Variants in LAMA3 observed in about 807,000 individuals in gnomAD.
The protein encoded by LAMA3 is laminin subunit alpha 3.
LAMA3 carries 281 observed loss-of-function variants against 402.0 expected under a neutral mutation model. That is an observed-to-expected ratio of 0.70 (90% CI 0.63 to 0.77). LAMA3 has a LOEUF of 0.77. Among genes scored for constraint, LAMA3 ranks in the 30% least tolerant of loss-of-function variants. The probability of loss-of-function intolerance (pLI) is 0.00; values close to 1 mark genes in which losing one functional copy is unlikely to be tolerated. For missense variants in LAMA3, 3,840 were observed against 4,215.5 expected (o/e 0.91, Z 2.47); for synonymous variants, 1,431 against 1,558.4 (o/e 0.92, Z 1.93).
At position 23,865,504 on chromosome 18, in the gene LAMA3, C is replaced by T. The variant is rs573754954; in HGVS notation, c.4683+621C>T. On this transcript the variant is annotated intron_variant, in intron 36 of 74. Transcript: ENST00000313654. ...CATAAATGTCTTTGAATCCTTACCA[C>T]GGGGCAAGATCATATTGTTGGACTC... Among the ~76,000 whole-genome samples, 60 of 152,226 alleles carry T rather than the reference C, an allele frequency of 3.9e-4. 1 individual carries two copies. In the South Asian group the frequency reaches 1.0e-2, roughly 25 times the overall value.
At chr18:23,824,669 A>T in intron 21 of LAMA3, 104 bp downstream of exon 21, 1 of 1,317,144 alleles carries the variant, frequency 7.6e-7, no homozygotes. Flanking sequence ...TATCACAATC[A>T]TTGGTGGTTT....
chr18:23,919,834 C>T (rs1313798911), intron 60 of LAMA3, among the ~76,000 whole-genome samples: 2 of 149,058 alleles, frequency 1.3e-5, no homozygotes, highest in Admixed American at 1.4e-4. Context: ...CTCCCACTGG[C>T]ATTTTCAAAG....
chr18:23,765,838 C>T lies in LAMA3; in HGVS notation c.1182+2315C>T, dbSNP rs540117950. 8.3e-4 allele frequency among the ~76,000 whole-genome samples: 125 copies of T among 151,452 alleles called. 1 individual carries two copies. The highest frequency in any genetic ancestry group is 8.0e-3 in the Admixed American group (122 of 15,220). ...TAAATAAAAAATCCATTGGAGGGGC[C>T]GAATAGCAGAAAGGAGGTAATAGAA... On this transcript the variant is annotated intron_variant, in intron 8 of 74. Transcript: ENST00000313654.
chr18:23,827,890 G>A (rs1598872933), intron 23 of LAMA3, among the ~76,000 whole-genome samples: 1 of 152,124 alleles, frequency 6.6e-6, no homozygotes, highest in African/African-American at 2.4e-5. Context: ...TAAGCAATTT[G>A]TAGCAGCTGA....
intron 11 of LAMA3, among the ~76,000 whole-genome samples, chr18:23,781,115 A>G (rs1053207243): frequency 6.6e-6 from 1 of 152,172 alleles, no homozygotes; most frequent in South Asian, 2.1e-4. Flanking sequence ...TTCTATTTTA[A>G]TCAGAATTCT....
chr18:23,876,020 G>A (rs1029134583), intron 38 of LAMA3, among the ~76,000 whole-genome samples: 2 of 152,164 alleles, frequency 1.3e-5, no homozygotes, highest in African/African-American at 2.4e-5. Flanking sequence ...TTTGAAAAAT[G>A]TATGCCTCAG....
intron 17 of LAMA3, among the ~76,000 whole-genome samples, chr18:23,815,947 C>T (rs1237377681): frequency 6.6e-6 from 1 of 152,080 alleles, no homozygotes; most frequent in Non-Finnish European, 1.5e-5. Context: ...AATTGCAGGA[C>T]AGGTGCCCCG....
Position 23,881,948 on chromosome 18 carries a change from A to C in LAMA3, c.5125A>C (p.Asn1709His), listed in dbSNP as rs546940631. Residue 1709 changes from asparagine (N) to histidine (H), a missense_variant, in exon 40 of 75, where the codon AAC (asparagine) becomes CAC (histidine). This residue lies in a region of LAMA3 where 2,109 missense variants were observed against 2,376.0 expected (regional missense o/e 0.89). Coordinates refer to ENST00000313654, the MANE Select transcript of LAMA3 (RefSeq NM_198129.4). ...CACCTGTCCCCAGAACTGTCAGCAC[A>C]ACACCGCGGGAGAGCACTGTGAACG... ...GSGICVNCQH[N>H]TAGEHCERCQ... 1.9e-6 allele frequency: 3 copies of C among 1,613,670 alleles called. No homozygotes were observed. The Admixed American group carries it at 5.0e-5, about 27-fold the overall frequency.
At chr18:23,925,882 G>C (rs550144373) in intron 62 of LAMA3, among the ~76,000 whole-genome samples, 1 of 152,224 alleles carries the variant, frequency 6.6e-6, no homozygotes, top group East Asian at 1.9e-4. Context: ...AATACCAACT[G>C]TAAGTGTAAA....
Position 23,689,780 on chromosome 18 carries a change from G to T in LAMA3, c.97G>T (p.Gly33Trp). ...GGTACTGCGGGTGCTGCCAGCCTGC[G>T]GGGCGACCGCTCGGGATCCCGGGGC... Reference protein sequence around the residue: ...LLVLRVLPACGATARDPGAAA... With the variant: ...LLVLRVLPACWATARDPGAAA... Residue 33 changes from glycine to tryptophan, a missense_variant, in exon 1 of 75, where the codon GGG (glycine) becomes TGG (tryptophan). Coordinates refer to ENST00000313654, the MANE Select transcript of LAMA3 (RefSeq NM_198129.4). The T allele has an allele frequency of 6.5e-7, 1 of 1,530,630 alleles. No individual in the cohort carries two copies. The allele number at this position is 1,530,630 out of a possible 1,614,324, so 94.8% of individuals were successfully genotyped here.
At position 23,884,830 on chromosome 18, in the gene LAMA3, G is replaced by A. The variant is rs773354844; in HGVS notation, c.5280G>A (p.Gly1760=). The A allele has an allele frequency of 2.4e-5, 38 of 1,613,344 alleles. No individual in the cohort carries two copies. Among genetic ancestry groups the A allele is most frequent in the Non-Finnish European group, 2.6e-5 (31 of 1,179,770 alleles). The change falls in exon 41 of 75, where the codon GGG becomes GGA. Residue 1760 remains glycine, a synonymous_variant. Coordinates refer to ENST00000313654, the MANE Select transcript of LAMA3 (RefSeq NM_198129.4). The part of the protein sequence containing the change: ...GGDVRCSCKA[G]YTGTQCERCA... ...ACGTGCGGTGCTCCTGCAAAGCTGG[G>A]TACACAGGAACACAGTGTGAAAGGT...
intron 38 of LAMA3, among the ~76,000 whole-genome samples, chr18:23,872,557 GCATACGAGTTCC>G (rs1225476977): frequency 6.6e-6 from 1 of 151,956 alleles, no homozygotes; most frequent in African/African-American, 2.4e-5. Flanking sequence ...GGTGATCTGC[GCATACGAGTTCC>G]CACTTTTTAA....
chr18:23,739,204 A>G (rs2061524747), intron 2 of LAMA3, among the ~76,000 whole-genome samples: 1 of 152,182 alleles, frequency 6.6e-6, no homozygotes, highest in African/African-American at 2.4e-5. Context: ...CCAATAAAAT[A>G]TCCCCTTCAA....
At chr18:23,905,336 A>T (rs572106280) in intron 51 of LAMA3, among the ~76,000 whole-genome samples, 186 bp from the exon 52 acceptor site, 2 of 152,346 alleles carry the variant, frequency 1.3e-5, no homozygotes, top group East Asian at 3.9e-4. Context: ...TCCCCAAGCC[A>T]CATAATTCAC....
At chr18:23,763,865 C>T (rs1484874871) in intron 8 of LAMA3, among the ~76,000 whole-genome samples, 1 of 152,178 alleles carries the variant, frequency 6.6e-6, no homozygotes, top group African/African-American at 2.4e-5. Context: ...AATGTTAGTG[C>T]TGACCCTACA....
Position 23,858,043 on chromosome 18 carries a change from T to A in LAMA3, c.4281+55T>A, listed in dbSNP as rs960868984. 61 of 1,603,364 alleles carry A rather than the reference T, an allele frequency of 3.8e-5. No individual in the cohort carries two copies. The African/African-American group carries it at 7.2e-4, about 19-fold the overall frequency. On this transcript the variant is annotated intron_variant, in intron 33 of 74. Coordinates refer to ENST00000313654, the MANE Select transcript of LAMA3 (RefSeq NM_198129.4). The stretch of plus-strand genomic sequence containing the variant: ...AGCTGCCGGTCAGCAGGAAAGTGCT[T>A]CATGTTGAGTCAACATAGAAAAGTA...
chr18:23,855,237 A>G (rs2064045727), intron 32 of LAMA3, among the ~76,000 whole-genome samples: 1 of 152,240 alleles, frequency 6.6e-6, no homozygotes, highest in Non-Finnish European at 1.5e-5. Flanking sequence ...TTGGGATGCC[A>G]GTCTGCCAGG....
intron 8 of LAMA3, 34 bp downstream of exon 8, chr18:23,763,557 G>A (rs765567489): frequency 1.4e-5 from 18 of 1,246,382 alleles, no homozygotes; most frequent in Non-Finnish European, 2.0e-5. Flanking sequence ...TGGATGTGTT[G>A]TCATGGGGAA....
intron 2 of LAMA3, among the ~76,000 whole-genome samples, chr18:23,720,002 CTG>C (rs775420066): frequency 1.3e-5 from 2 of 152,234 alleles, no homozygotes; most frequent in African/African-American, 4.8e-5. Flanking sequence ...GTTTTGTTCA[CTG>C]TGTTCTGTTC....
Sources: allele counts gnomAD v4.1 joint callset (sites outside exome capture counted in the v4.1 genomes callset), GRCh38; gene constraint gnomAD v4.1.1; regional missense constraint gnomAD v4.1.1; transcripts MANE v1.5; gene names NCBI Gene and HGNC (gene_info 2026-07-23, HGNC 2026-07-21).